PASK: variants seen among roughly 807,000 people sequenced by gnomAD.
PASK encodes the protein PAS domain-containing serine/threonine-protein kinase.
PASK carries 110 observed loss-of-function variants against 121.0 expected under a neutral mutation model. The observed-to-expected ratio is 0.91, with a 90% confidence interval of 0.78 to 1.06. The LOEUF (loss-of-function observed/expected upper bound fraction) is 1.06, where lower values mean the gene tolerates loss of function less well. Among genes scored for constraint, PASK ranks in the 50% least tolerant of loss-of-function variants. PASK has a pLI of 0.00. For synonymous variants in PASK, 686 were observed against 717.8 expected (o/e 0.96, Z 0.71); for missense variants, 1,643 against 1,702.3 (o/e 0.97, Z 0.61).
chr2:241,147,733 A>AG (rs2067023500), intron 1 of PASK, among the ~76,000 whole-genome samples: 1 of 149,128 alleles, frequency 6.7e-6, no homozygotes, highest in Non-Finnish European at 1.5e-5. Context: ...AAAAAAGCAA[A>AG]GGGAGGGTAA....
chr2:241,119,022 T>C (rs1162528451), intron 12 of PASK: 9 of 853,106 alleles, frequency 1.1e-5, no homozygotes, highest in African/African-American at 1.8e-5. Flanking sequence ...GAGCAGCCCG[T>C]TCCCAGCCCT....
Position 241,108,988 on chromosome 2 carries a change from A to G in PASK, c.3534-688T>C, listed in dbSNP as rs532771548. 1 of 155,234 alleles carries G rather than the reference A, an allele frequency of 6.4e-6. No individual in the cohort carries two copies. Among genetic ancestry groups the G allele is most frequent in the South Asian group, 1.9e-4 (1 of 5,152 alleles). 9.6% of individuals were successfully genotyped at this position (155,234 alleles called of 1,614,324 possible). ...GCTACCATTTATTTCCTGTCACCGT[A>G]AACATCCTCATCCACGCTACCATTT... is the stretch of plus-strand genomic sequence containing the variant. On this transcript the variant is annotated intron_variant, in intron 15 of 17. Transcript: ENST00000234040. The surrounding 1 kb of genome is among the most constrained non-coding windows in gnomAD (Gnocchi z 5.2).
intron 15 of PASK, chr2:241,109,293 T>C (rs1575218961): frequency 6.6e-6 from 1 of 152,502 alleles, no homozygotes; most frequent in East Asian, 1.9e-4. Flanking sequence ...GAGCAAGGCT[T>C]GGTGAGGTGA....
chr2:241,150,145 T>C, upstream of PASK: 1 of 1,266,934 alleles, frequency 7.9e-7, no homozygotes, highest in African/African-American at 1.6e-5. Flanking sequence ...GACAGTGACA[T>C]AAGTCAACTC....
rs745388191 is a variant in PASK, at chr2:241,122,738, GT to G, written c.3065del (p.Asn1022ThrfsTer6). ...FVWTAVDKEK[N>X]KEVVVKFIKK... ...CCCCCCACAGCCAGGTTACCTCCTT[GT>G]TTTTTTCCTTGTCCACAGCAGTCCA... On this transcript the variant is annotated frameshift_variant, in exon 12 of 18. Transcript: ENST00000234040. LOFTEE classifies it high-confidence loss of function. The G allele has an allele frequency of 1.9e-6, 3 of 1,613,808 alleles. No individual in the cohort carries two copies. Among genetic ancestry groups the G allele is most frequent in the Non-Finnish European group, 2.5e-6 (3 of 1,179,724 alleles).
chr2:241,147,797 G>A (rs1158426078), intron 1 of PASK, among the ~76,000 whole-genome samples: 1 of 152,144 alleles, frequency 6.6e-6, no homozygotes. Context: ...ACCAACTAAA[G>A]TTGTGGAAGT....
At chr2:241,114,106 T>C (rs2125406361) in intron 14 of PASK, 2 of 985,310 alleles carry the variant, frequency 2.0e-6, no homozygotes, top group Non-Finnish European at 2.4e-6. Context: ...ACAGATACTC[T>C]GTTTGCTGTA....
chr2:241,123,868 A>C, intron 11 of PASK, 81 bp downstream of exon 11: 5 of 1,205,894 alleles, frequency 4.1e-6, no homozygotes, highest in Non-Finnish European at 6.1e-6. Context: ...GTCCCCAAGG[A>C]AACAGAGAGA....
chr2:241,138,539 G>A (rs1171942763), intron 5 of PASK, 115 bp downstream of exon 5: 1 of 1,271,300 alleles, frequency 7.9e-7, no homozygotes, highest in Non-Finnish European at 1.1e-6. Flanking sequence ...GACCCTCCAG[G>A]CTCCTCATCC....
chr2:241,150,339 G>A (rs2067228352), upstream of PASK: 3 of 1,327,780 alleles, frequency 2.3e-6, no homozygotes. Context: ...CCTCATGACG[G>A]AACTACAACT....
intron 7 of PASK, 33 bp from the exon 8 acceptor site, chr2:241,136,072 G>A (rs2066410924): frequency 6.3e-7 from 1 of 1,594,844 alleles, no homozygotes; most frequent in African/African-American, 1.3e-5. Context: ...TTCAGAACCT[G>A]GAGGATCCAC....
chr2:241,134,225 C>G (rs2125442851), intron 8 of PASK: 1 of 152,160 alleles, frequency 6.6e-6, no homozygotes, highest in Non-Finnish European at 1.5e-5. Flanking sequence ...AAATATCCGA[C>G]AAACAGCATG....
chr2:241,132,909 C>T lies in PASK; in HGVS notation c.1428G>A (p.Gln476=). The T allele has an allele frequency of 6.2e-7, 1 of 1,614,164 alleles. No homozygotes were observed. Among genetic ancestry groups the T allele is most frequent in the South Asian group, 1.1e-5 (1 of 91,082 alleles). The change falls in exon 9 of 18, where the codon CAG becomes CAA. Residue 476 remains glutamine (Q), a synonymous_variant. Coordinates refer to ENST00000234040, the MANE Select transcript of PASK (RefSeq NM_015148.4). ...GCTGAGGTGAGAGGCAGGAAAGGAG[C>T]TGGCCTCCAGCAATCAGCTCAGTCT... ...GTQTELIAGG[Q]LLSCLSPQPA...
chr2:241,137,894 A>C, intron 6 of PASK, 59 bp downstream of exon 6: 1 of 1,591,764 alleles, frequency 6.3e-7, no homozygotes, highest in South Asian at 1.1e-5. Flanking sequence ...GTCTCCAGTT[A>C]TGGATTCAGA....
At chr2:241,147,315 A>G (rs970840173) in intron 1 of PASK, among the ~76,000 whole-genome samples, 3 of 152,258 alleles carry the variant, frequency 2.0e-5, no homozygotes, top group South Asian at 2.1e-4. Context: ...CCTAAAAAAT[A>G]TAACTCTTCA....
At chr2:241,119,219 G>A (rs1487175331) in intron 12 of PASK, among the ~76,000 whole-genome samples, 3 of 152,212 alleles carry the variant, frequency 2.0e-5, no homozygotes, top group Non-Finnish European at 4.4e-5. Flanking sequence ...TGCCAGTAAC[G>A]GCGTCCGTCC....
chr2:241,139,897 C>T lies in PASK; in HGVS notation c.588G>A (p.Val196=). ...HMEADGHAAV[V]FGTVVDIISR... is the part of the protein sequence containing the mutation. ...CGCATCCACTCACCACCGTGCCAAA[C>T]ACCACCGCAGCGTGGCCGTCGGCCT... is the stretch of plus-strand genomic sequence containing the variant. Residue 196 remains valine, a synonymous_variant, in exon 4 of 18, where the codon GTG becomes GTA. Transcript: ENST00000234040. 6.2e-7 allele frequency: 1 copy of T among 1,614,172 alleles called. No homozygotes were observed. The highest frequency in any genetic ancestry group is 1.1e-5 in the South Asian group (1 of 91,086).
At chr2:241,125,767 G>A (rs933200165) in intron 10 of PASK, among the ~76,000 whole-genome samples, 4 of 152,168 alleles carry the variant, frequency 2.6e-5, no homozygotes, top group African/African-American at 9.7e-5. Flanking sequence ...AGAAGAACAC[G>A]TGAGCATCTC....
Position 241,126,588 on chromosome 2 carries a change from C to T in PASK, c.2327G>A (p.Gly776Asp). 1 of 1,614,222 alleles carries T rather than the reference C, an allele frequency of 6.2e-7. No homozygotes were observed. The highest frequency in any genetic ancestry group is 8.5e-7 in the Non-Finnish European group (1 of 1,180,040). ...GAGACTGCCTACATCTGGATCGGAGCCCACTGCCAAGGAAGAGGGTGTCTC... is the reference window on the plus strand; with the variant it reads ...GAGACTGCCTACATCTGGATCGGAGTCCACTGCCAAGGAAGAGGGTGTCTC... ...LRETPSSLAVGSDPDVGSLQE... is the reference protein window; with the variant it reads ...LRETPSSLAVDSDPDVGSLQE... The change falls in exon 10 of 18, where the codon GGC (glycine) becomes GAC (aspartate). Residue 776 changes from glycine (G) to aspartate (D), a missense_variant. By Grantham distance (94) the Gly-to-Asp change is moderately conservative. Around this residue, in one of 3 missense-constraint regions of PASK, gnomAD observed 1,176 missense variants for 1,162.2 expected, o/e 1.01. Transcript: ENST00000234040.
Sources: gnomAD v4.1 joint callset for allele counts (sites outside exome capture counted in the v4.1 genomes callset) on GRCh38, gnomAD v4.1.1 for gene constraint, gnomAD v4.1.1 regional missense constraint, Gnocchi (gnomAD v3.1) non-coding constraint, MANE v1.5 for transcripts, NCBI Gene and HGNC (gene_info 2026-07-23, HGNC 2026-07-21) for gene names.